ADAMTS12: variants seen among roughly 807,000 people sequenced by gnomAD.
ADAMTS12 encodes A disintegrin and metalloproteinase with thrombospondin motifs 12.
Under a neutral mutation model 167.8 loss-of-function variants are expected in ADAMTS12, and 118 were observed. The ratio of observed to expected loss-of-function variants is 0.70; its 90% CI spans 0.61 to 0.82. The LOEUF (loss-of-function observed/expected upper bound fraction) is 0.82, where lower values mean the gene tolerates loss of function less well. ADAMTS12 is among the 40% of genes least tolerant of loss of function. ADAMTS12 has a pLI of 0.00. For missense variants in ADAMTS12, 1,916 were observed against 1,998.8 expected (o/e 0.96, Z 0.79); for synonymous variants, 704 against 716.9 (o/e 0.98, Z 0.29).
At chr5:33,886,102 G>GATAC (rs1750627824) in intron 1 of ADAMTS12, among the ~76,000 whole-genome samples, 1 of 152,168 alleles carries the variant, frequency 6.6e-6, no homozygotes, top group Non-Finnish European at 1.5e-5. Context: ...TGCCTCTGAA[G>GATAC]ATACATCTCA....
At chr5:33,838,133 G>T (rs963385706) in intron 2 of ADAMTS12, among the ~76,000 whole-genome samples, 1 of 152,268 alleles carries the variant, frequency 6.6e-6, no homozygotes, top group East Asian at 1.9e-4. Context: ...CACAGGTGTG[G>T]TGTATAGCTT....
At chr5:33,645,823 T>C (rs77736049) in intron 9 of ADAMTS12, among the ~76,000 whole-genome samples, 4,956 of 152,286 alleles carry the variant, frequency 0.033, 83 homozygotes, top group East Asian at 0.045. Flanking sequence ...GAAGTCTTCA[T>C]TCACTTATCT....
chr5:33,845,047 A>G (rs1463844126), intron 2 of ADAMTS12, among the ~76,000 whole-genome samples: 1 of 152,272 alleles, frequency 6.6e-6, no homozygotes, highest in Non-Finnish European at 1.5e-5. Flanking sequence ...AGGGAGGACT[A>G]CAACATTAGT....
chr5:33,654,633 C>T (rs2112202777), intron 7 of ADAMTS12, among the ~76,000 whole-genome samples: 1 of 152,258 alleles, frequency 6.6e-6, no homozygotes, highest in South Asian at 2.1e-4. Flanking sequence ...AGTCTTAGTC[C>T]CTAACTGGTC....
chr5:33,848,619 C>T (rs1277026789), intron 2 of ADAMTS12, among the ~76,000 whole-genome samples: 6 of 152,130 alleles, frequency 3.9e-5, no homozygotes, highest in Admixed American at 1.3e-4. Context: ...ATCTTTTATA[C>T]AGGTTACTTG....
At chr5:33,577,193 G>T in intron 18 of ADAMTS12, 33 bp from the exon 19 acceptor site, 1 of 1,613,438 alleles carries the variant, frequency 6.2e-7, no homozygotes, top group South Asian at 1.1e-5. Flanking sequence ...AGCCTGGCGA[G>T]AGAAGATGCT....
chr5:33,766,265 T>C (rs991983317), intron 2 of ADAMTS12, among the ~76,000 whole-genome samples: 3 of 152,284 alleles, frequency 2.0e-5, no homozygotes, highest in East Asian at 1.9e-4. Flanking sequence ...GTGCCCTAGA[T>C]ATGACATGAC....
intron 3 of ADAMTS12, among the ~76,000 whole-genome samples, chr5:33,695,943 T>C (rs1742740564): frequency 6.6e-6 from 1 of 152,210 alleles, no homozygotes; most frequent in African/African-American, 2.4e-5. Context: ...GGATGTCAAA[T>C]TGAATACAGA....
At chr5:33,721,411 G>A (rs1271324389) in intron 3 of ADAMTS12, among the ~76,000 whole-genome samples, 2 of 152,156 alleles carry the variant, frequency 1.3e-5, no homozygotes, top group Non-Finnish European at 2.9e-5. Context: ...TCAAACAATT[G>A]GAATAGGTGC....
chr5:33,569,149 C>G (rs559043974), intron 19 of ADAMTS12, among the ~76,000 whole-genome samples: 39 of 152,374 alleles, frequency 2.6e-4, no homozygotes, highest in African/African-American at 8.4e-4. Flanking sequence ...CCTCTGTAGG[C>G]TCCACTTCTG....
At chr5:33,887,713 C>T (rs115015030) in intron 1 of ADAMTS12, among the ~76,000 whole-genome samples, 23 of 152,040 alleles carry the variant, frequency 1.5e-4, no homozygotes, top group Admixed American at 9.2e-4. Flanking sequence ...GAATATTTAC[C>T]TACTAGTTGT....
intron 3 of ADAMTS12, among the ~76,000 whole-genome samples, chr5:33,729,905 G>A (rs1409793543): frequency 1.3e-5 from 2 of 152,252 alleles, no homozygotes; most frequent in Admixed American, 6.5e-5. Flanking sequence ...CTGATACACA[G>A]CATGTGGCTT....
At chr5:33,839,520 T>C (rs1357074046) in intron 2 of ADAMTS12, among the ~76,000 whole-genome samples, 1 of 152,204 alleles carries the variant, frequency 6.6e-6, no homozygotes, top group Non-Finnish European at 1.5e-5. Context: ...AGGTCAATTT[T>C]CTTTCCTAGT....
chr5:33,884,015 C>T (rs1230164333), intron 1 of ADAMTS12, among the ~76,000 whole-genome samples: 1 of 152,056 alleles, frequency 6.6e-6, no homozygotes, highest in African/African-American at 2.4e-5. Context: ...CTCCAGGGCT[C>T]GAACAGTGAA....
chr5:33,840,990 C>T (rs1170463037), intron 2 of ADAMTS12, among the ~76,000 whole-genome samples: 2 of 152,206 alleles, frequency 1.3e-5, no homozygotes, highest in Non-Finnish European at 2.9e-5. Context: ...AACTGAGCTG[C>T]TCCCACCCTT....
intron 3 of ADAMTS12, among the ~76,000 whole-genome samples, chr5:33,723,376 G>C (rs1430185491): frequency 2.0e-5 from 3 of 152,000 alleles, no homozygotes; most frequent in African/African-American, 7.3e-5. Context: ...TCATCCTTTT[G>C]ACCCCAAACA....
intron 2 of ADAMTS12, among the ~76,000 whole-genome samples, chr5:33,772,768 T>C (rs374317875): frequency 5.9e-5 from 9 of 152,288 alleles, no homozygotes; most frequent in East Asian, 5.8e-4. Context: ...ATTTAATTCA[T>C]TTTAAGCACC....
Position 33,576,464 on chromosome 5 carries a change from G to A in ADAMTS12, c.3562C>T (p.Pro1188Ser). The change falls in exon 19 of 24, where the codon CCA (proline) becomes TCA (serine). Residue 1188 changes from proline (P) to serine (S), a missense_variant. Physicochemically the swap from Pro to Ser is moderately conservative, Grantham distance 74 (BLOSUM62 -1). Transcript: ENST00000504830. ...TKIRVPGNDA[P>S]VESTEMPLAP... ...AGTGGCATTTCTGTACTTTCCACTG[G>A]AGCGTCATTTCCAGGTACTCTGATC... 1.9e-6 allele frequency: 3 copies of A among 1,609,196 alleles called. No homozygotes were observed. The highest frequency in any genetic ancestry group is 1.1e-5 in the South Asian group (1 of 90,150).
rs374907311 is a variant in ADAMTS12, at chr5:33,546,067, A to G, written c.4438T>C (p.Trp1480Arg). ...HLCCHWATGN[W>R]DLCSTSCGGG... ...GTATAACCAAGTCTTACCAGGTCCC[A>G]GTTCCCAGTGGCCCAGTGACAGCAC... Residue 1480 changes from tryptophan (W) to arginine (R), a missense_variant, in exon 22 of 24, where the codon TGG becomes CGG. By Grantham distance (101) the Trp-to-Arg change is moderately radical. Coordinates refer to ENST00000504830, the MANE Select transcript of ADAMTS12 (RefSeq NM_030955.4). 3.1e-6 allele frequency: 5 copies of G among 1,611,660 alleles called. No homozygotes were observed. The African/African-American group carries it at 5.4e-5, about 17-fold the overall frequency.
Sources: gnomAD v4.1 joint callset for allele counts (sites outside exome capture counted in the v4.1 genomes callset) on GRCh38, gnomAD v4.1.1 for gene constraint, MANE v1.5 for transcripts, NCBI Gene and HGNC (gene_info 2026-07-23, HGNC 2026-07-21) for gene names.